Variants in FGD1 observed in about 807,000 individuals in gnomAD.
The protein encoded by FGD1 is FYVE, RhoGEF and PH domain-containing protein 1.
FGD1 carries 12 observed loss-of-function variants against 65.0 expected under a neutral mutation model. The observed-to-expected ratio is 0.18, with a 90% CI of 0.12 to 0.30. The LOEUF (loss-of-function observed/expected upper bound fraction) is 0.30, where lower values mean the gene tolerates loss of function less well. Ranked by LOEUF, FGD1 falls within the 10% of genes least tolerant of loss-of-function variation. FGD1 has a pLI of 1.00. For synonymous variants in FGD1, 333 were observed against 343.9 expected, an observed-to-expected ratio of 0.97 and a Z score of 0.35; for missense variants, 542 against 837.6, an observed-to-expected ratio of 0.65 and a Z score of 4.36.
chrX:54,457,462 T>C (rs1922529636), intron 8 of FGD1, among the ~76,000 whole-genome samples: 1 of 111,569 alleles, frequency 9.0e-6, no homozygotes, highest in Non-Finnish European at 1.9e-5. Flanking sequence ...GAGCACACCT[T>C]CACCTGTACC....
intron 2 of FGD1, 67 bp downstream of exon 2, chrX:54,471,247 G>A: frequency 8.8e-7 from 1 of 1,133,580 alleles, no homozygotes; most frequent in South Asian, 1.8e-5. Context: ...TCTGCCACTG[G>A]CTAACTTCTC....
chrX:54,491,733 G>A (rs1052091142), intron 1 of FGD1, among the ~76,000 whole-genome samples: 5 of 111,869 alleles, frequency 4.5e-5, no homozygotes, highest in Non-Finnish European at 5.6e-5. Context: ...CTGAGGTGGA[G>A]TGTGGAATCA....
intron 1 of FGD1, among the ~76,000 whole-genome samples, chrX:54,476,678 A>G (rs1335499283): frequency 9.2e-6 from 1 of 108,880 alleles, no homozygotes; most frequent in Admixed American, 1.0e-4. Flanking sequence ...GTGGTTGATA[A>G]TCCACAACAT....
intron 16 of FGD1, 79 bp downstream of exon 16, chrX:54,448,727 C>T (rs1465183534): frequency 3.3e-5 from 35 of 1,047,268 alleles, no homozygotes; most frequent in Middle Eastern, 3.2e-4. Flanking sequence ...CCCAAATACT[C>T]GGGCCTCCTC....
At chrX:54,448,186 A>T (rs1475076336) in intron 16 of FGD1, among the ~76,000 whole-genome samples, 2 of 102,747 alleles carry the variant, frequency 1.9e-5, no homozygotes, top group Admixed American at 1.1e-4. Context: ...CAATTTTTAA[A>T]TTTTTTTTTT....
intron 12 of FGD1, 120 bp from the exon 13 acceptor site, chrX:54,450,421 T>C: frequency 1.6e-6 from 1 of 634,848 alleles, no homozygotes; most frequent in South Asian, 2.3e-5. Flanking sequence ...CTTCTTCACC[T>C]ATTACTTATA....
Position 54,470,355 on chromosome X carries a change from G to A in FGD1, c.762C>T (p.Pro254=), listed in dbSNP as rs775909206. The change falls in exon 4 of 18, where the codon CCC becomes CCT. Residue 254 remains proline, a synonymous_variant. Transcript: ENST00000375135. ...GGGAGGCCTCACCCTCGGGGAGCTG[G>A]GGCACTGGTGGCTGCGAGGTTGGCT... ...LPQPTSQPPV[P]QLPEGEASRC... 3 of 1,207,997 alleles carry A rather than the reference G, an allele frequency of 2.5e-6. No homozygotes were observed. In the African/African-American group the frequency reaches 5.2e-5, roughly 21 times the overall value.
intron 1 of FGD1, among the ~76,000 whole-genome samples, chrX:54,494,402 C>CTTT (rs56235590): frequency 5.4e-4 from 33 of 60,708 alleles, no homozygotes; most frequent in African/African-American, 1.8e-3. Flanking sequence ...CACCGTCTTT[C>CTTT]TTTTTTTTTT....
rs1166415228 is a variant in FGD1 at position 54,488,047 on chromosome X, C to T, written c.307+7079G>A. Among the ~76,000 whole-genome samples the T allele has an allele frequency of 7.5e-5, 8 of 106,436 alleles. No homozygotes were observed. The Admixed American group carries it at 8.2e-4, about 11-fold the overall frequency. 92.4% of individuals were successfully genotyped at this position (106,436 alleles called of 115,157 possible). A position where few individuals can be genotyped will look rare whatever the true frequency, so the allele number is the denominator to read the frequency against. ...TTGGGAGGCCGAGGCGGGCAGATCA[C>T]GAGGTCAGGAGTTCAAGACCAGCCT... On this transcript the variant is annotated intron_variant, in intron 1 of 17. Coordinates refer to ENST00000375135, the MANE Select transcript of FGD1 (RefSeq NM_004463.3).
At position 54,449,164 on chromosome X, in the gene FGD1, G is replaced by A. The variant is rs1433918013; in HGVS notation, c.2253C>T (p.His751=). 8.3e-7 allele frequency: 1 copy of A among 1,211,959 alleles called. No individual in the cohort carries two copies. Among genetic ancestry groups the A allele is most frequent in the Admixed American group, 2.2e-5 (1 of 46,089 alleles). Residue 751 remains histidine, a synonymous_variant, in exon 15 of 18, where the codon CAC becomes CAT. Transcript: ENST00000375135. ...EPFNSITKRR[H]HCKACGHVVC... ...TCACATGCCCGCAGGCCTTGCAGTG[G>A]TGCCTGCGTTTGGTGATAGAATTGA...
chrX:54,461,134 G>A (rs1263520204), intron 8 of FGD1, among the ~76,000 whole-genome samples: 1 of 111,479 alleles, frequency 9.0e-6, no homozygotes, highest in African/African-American at 3.3e-5. Context: ...TTCACCTGGG[G>A]ATGTTACGTT....
Position 54,495,151 on chromosome X carries a change from G to C in FGD1, c.282C>G (p.His94Gln). The C allele has an allele frequency of 6.7e-6, 8 of 1,187,515 alleles. No homozygotes were observed. The highest frequency in any genetic ancestry group is 9.0e-6 in the Non-Finnish European group (8 of 884,235). Residue 94 changes from histidine (H) to glutamine (Q), a missense_variant, in exon 1 of 18, where the codon CAC (histidine) becomes CAG (glutamine). Physicochemically the swap from His to Gln is conservative, Grantham distance 24. Transcript: ENST00000375135. ...QHHRALRFSYHLEGSQPRPGL... is the reference protein window; with the variant it reads ...QHHRALRFSYQLEGSQPRPGL... ...CAGGCCGAGGCTGCGAGCCCTCCAG[G>C]TGGTAAGAGAAGCGCAGGGCCCGGT...
chrX:54,482,236 G>GCGCACACA (rs796491256), intron 1 of FGD1, among the ~76,000 whole-genome samples: 2,789 of 99,344 alleles, frequency 0.028, 111 homozygotes, highest in African/African-American at 0.099. Flanking sequence ...GCACACGCGC[G>GCGCACACA]CACACACACA....
chrX:54,458,815 T>A (rs116759992), intron 8 of FGD1, among the ~76,000 whole-genome samples: 2,423 of 111,509 alleles, frequency 0.022, 70 homozygotes, highest in African/African-American at 0.076. Flanking sequence ...GCATCCATAT[T>A]CCTCAGTAGA....
At chrX:54,465,307 G>C (rs2147432562) in intron 8 of FGD1, 144 bp downstream of exon 8, 1 of 641,330 alleles carries the variant, frequency 1.6e-6, no homozygotes, top group East Asian at 3.4e-5. Context: ...GGGCCTTTCA[G>C]TTTGGAGATT....
chrX:54,485,176 A>C (rs183790435), intron 1 of FGD1, among the ~76,000 whole-genome samples: 120 of 111,417 alleles, frequency 1.1e-3, no homozygotes, highest in African/African-American at 3.6e-3. Context: ...CTAGGAACCA[A>C]ATTTGGTTCT....
intron 1 of FGD1, among the ~76,000 whole-genome samples, chrX:54,482,238 A>G (rs5961075): frequency 0.018 from 1,656 of 94,540 alleles, 17 homozygotes; most frequent in African/African-American, 0.052. Flanking sequence ...ACACGCGCGC[A>G]CACACACACA....
intron 1 of FGD1, among the ~76,000 whole-genome samples, chrX:54,482,221 C>T (rs751923128): frequency 2.1e-4 from 17 of 80,123 alleles, no homozygotes; most frequent in African/African-American, 1.5e-3. Flanking sequence ...CAGGCACATG[C>T]GCGCGCACAC....
intron 1 of FGD1, among the ~76,000 whole-genome samples, chrX:54,473,235 T>C (rs749977598): frequency 1.8e-5 from 2 of 112,125 alleles, no homozygotes; most frequent in East Asian, 5.6e-4. Context: ...TATACCCAGT[T>C]AGACATTCTT....
Sources: allele counts gnomAD v4.1 joint callset (sites outside exome capture counted in the v4.1 genomes callset), GRCh38; gene constraint gnomAD v4.1.1; transcripts MANE v1.5; gene names NCBI Gene and HGNC (gene_info 2026-07-23, HGNC 2026-07-21).